The following SLCO2B1 variants were observed in gnomAD, a reference collection of about 807,000 sequenced individuals.
SLCO2B1 encodes OATP-RP2.
SLCO2B1 carries 41 observed loss-of-function variants against 67.3 expected under a neutral mutation model. The observed-to-expected ratio is 0.61, with a 90% CI of 0.47 to 0.79. The LOEUF (loss-of-function observed/expected upper bound fraction) is 0.79. Among genes scored for constraint, SLCO2B1 ranks in the 30% least tolerant of loss-of-function variants. The probability of loss-of-function intolerance (pLI) is 0.00; values close to 1 mark genes in which losing one functional copy is unlikely to be tolerated. For missense variants in SLCO2B1, 837 were observed against 920.1 expected (o/e 0.91, Z 1.17); for synonymous variants, 379 against 381.4 (o/e 0.99, Z 0.07).
rs139971199 is a variant in SLCO2B1 at position 75,163,192 on chromosome 11, C to T, written c.147+407C>T. Among the ~76,000 whole-genome samples, 20 of 152,308 alleles carry T rather than the reference C, an allele frequency of 1.3e-4. 1 individual carries two copies. The East Asian group carries it at 3.7e-3, about 28-fold the overall frequency. On this transcript the variant is annotated intron_variant, in intron 2 of 13. Transcript: ENST00000289575. ...GCCAGGCGCTGTGCCAGGTGCCACT[C>T]ACACGTGATCTTATTTAGTTCTCAC...
At chr11:75,174,038 G>A (rs995736320) in intron 7 of SLCO2B1, among the ~76,000 whole-genome samples, 2 of 152,130 alleles carry the variant, frequency 1.3e-5, no homozygotes, top group African/African-American at 4.8e-5. Flanking sequence ...CTAACCTCAG[G>A]TGATCTGCCC....
At chr11:75,178,047 T>C (rs1440056343) in intron 7 of SLCO2B1, among the ~76,000 whole-genome samples, 1 of 150,008 alleles carries the variant, frequency 6.7e-6, no homozygotes, top group African/African-American at 2.5e-5. Context: ...TGAGCCGAGA[T>C]TACATCACTG....
Position 75,193,125 on chromosome 11 carries a change from T to A in SLCO2B1, c.1076-93T>A. On this transcript the variant is annotated intron_variant, in intron 8 of 13. Transcript: ENST00000289575. The surrounding 1 kb of genome is among the most constrained non-coding windows in gnomAD (Gnocchi z 4.2). ...GTGGAATGGGGCGGGTTAGAAGAAA[T>A]GGAACTGCTTGAACTGAGCAGGGCA... The A allele has an allele frequency of 1.1e-6, 1 of 886,728 alleles. No individual in the cohort carries two copies. The highest frequency in any genetic ancestry group is 2.5e-5 in the East Asian group (1 of 40,814). 54.9% of individuals were successfully genotyped at this position (886,728 alleles called of 1,614,324 possible).
intron 8 of SLCO2B1, among the ~76,000 whole-genome samples, chr11:75,189,938 G>A (rs569150206): frequency 6.6e-6 from 1 of 150,758 alleles, no homozygotes; most frequent in Non-Finnish European, 1.5e-5. Flanking sequence ...CTCCAGCCTG[G>A]GTGACTGAGA....
In SLCO2B1 at chr11:75,204,599, C is replaced by G. The variant is rs1384722969; in HGVS notation, c.*19C>G. On this transcript the variant is annotated 3_prime_UTR_variant, in exon 14 of 14. Coordinates refer to ENST00000289575, the MANE Select transcript of SLCO2B1 (RefSeq NM_007256.5). ...AGTGTGAGCTGTCTTGGGGCCCCAC[C>G]TGGCCAAGAGTAGCAGCCACAGCAG... 6.3e-7 allele frequency: 1 copy of G among 1,590,378 alleles called. No individual in the cohort carries two copies. Among genetic ancestry groups the G allele is most frequent in the Non-Finnish European group, 8.5e-7 (1 of 1,169,642 alleles).
rs551269393 is a variant in SLCO2B1, at chr11:75,183,193, T to C, written c.973-4943T>C. ...TATTTAAACCACTATATCTAAAATA[T>C]TCTTATTTTAACATATAATAGTAAA... On this transcript the variant is annotated intron_variant, in intron 7 of 13. Coordinates refer to ENST00000289575, the MANE Select transcript of SLCO2B1 (RefSeq NM_007256.5). Among the ~76,000 whole-genome samples the C allele has an allele frequency of 2.9e-3, 435 of 152,370 alleles. 1 individual carries two copies. The highest frequency in any genetic ancestry group is 0.01 in the African/African-American group (424 of 41,596).
In SLCO2B1 at chr11:75,162,882, C is replaced by T. The variant is rs75284245; in HGVS notation, c.147+97C>T. The T allele has an allele frequency of 3.5e-4, 490 of 1,389,216 alleles. 1 individual carries two copies. In the African/African-American group the frequency reaches 6.3e-3, roughly 18 times the overall value. The allele number at this position is 1,389,216 out of a possible 1,614,324, so 86.1% of individuals were successfully genotyped here. A position where few individuals can be genotyped will look rare whatever the true frequency, so the allele number is the denominator to read the frequency against. Reference sequence around the variant, plus strand: ...GCCAAGGAAGACTTTCTCTGAGCCTCGGTTTCCTCATCTATAGAATGTGTG... The same window carrying T: ...GCCAAGGAAGACTTTCTCTGAGCCTTGGTTTCCTCATCTATAGAATGTGTG... On this transcript the variant is annotated intron_variant, in intron 2 of 13. Transcript: ENST00000289575.
chr11:75,171,906 A>G (rs924199465), intron 6 of SLCO2B1, among the ~76,000 whole-genome samples: 2 of 152,204 alleles, frequency 1.3e-5, no homozygotes, highest in African/African-American at 4.8e-5. Flanking sequence ...AATAATAATC[A>G]CAATAGTAAT....
At chr11:75,153,042 C>T (rs1387424546) in intron 1 of SLCO2B1, among the ~76,000 whole-genome samples, 1 of 152,208 alleles carries the variant, frequency 6.6e-6, no homozygotes, top group Non-Finnish European at 1.5e-5. Context: ...AGTTTCCCTG[C>T]AAGTGCTGGG....
At chr11:75,197,395 G>A (rs1945115731) in intron 10 of SLCO2B1, among the ~76,000 whole-genome samples, 1 of 152,270 alleles carries the variant, frequency 6.6e-6, no homozygotes, top group African/African-American at 2.4e-5. Flanking sequence ...ATTTACTTGG[G>A]AGGGAAGGGC....
rs182653877 is a variant in SLCO2B1 at position 75,175,478 on chromosome 11, G to A, written c.972+2909G>A. 3.6e-3 allele frequency among the ~76,000 whole-genome samples: 555 copies of A among 152,224 alleles called. 4 individuals carry two copies. Among genetic ancestry groups the A allele is most frequent in the Middle Eastern group, 0.014 (4 of 294 alleles). ...AGCTAACTCTGAAATCTCACCAGGC[G>A]TCCCCTCCCAGGCTCAGGGCTCAGG... On this transcript the variant is annotated intron_variant, in intron 7 of 13. Coordinates refer to ENST00000289575, the MANE Select transcript of SLCO2B1 (RefSeq NM_007256.5).
chr11:75,163,652 TG>T lies in SLCO2B1; in HGVS notation c.148-310del, dbSNP rs558560113. ...TTCAATAGCCCCCAGGCTCCTGGAG[TG>T]TACCCAGGATAGCTTTTCTAGTTTT... On this transcript the variant is annotated intron_variant, in intron 2 of 13. Coordinates refer to ENST00000289575, the MANE Select transcript of SLCO2B1 (RefSeq NM_007256.5). Among the ~76,000 whole-genome samples, 9 of 152,094 alleles carry T rather than the reference TG, an allele frequency of 5.9e-5. No individual in the cohort carries two copies. The East Asian group carries it at 1.7e-3, about 29-fold the overall frequency.
intron 8 of SLCO2B1, among the ~76,000 whole-genome samples, chr11:75,192,441 T>A (rs558170279): frequency 6.6e-6 from 1 of 152,076 alleles, no homozygotes; most frequent in East Asian, 1.9e-4. Context: ...AAATGCAAGC[T>A]AAGGATAGGG....
intron 1 of SLCO2B1, among the ~76,000 whole-genome samples, chr11:75,158,735 G>T (rs935860607): frequency 6.6e-6 from 1 of 152,142 alleles, no homozygotes; most frequent in African/African-American, 2.4e-5. Flanking sequence ...GCTCAGGGAT[G>T]TGCCCAGGCT....
In SLCO2B1 at chr11:75,206,256, G is replaced by A. The variant is rs1945275366; in HGVS notation, c.*1676G>A. The A allele has an allele frequency of 6.6e-6, 1 of 152,154 alleles. No individual in the cohort carries two copies. Among genetic ancestry groups the A allele is most frequent in the African/African-American group, 2.4e-5 (1 of 41,430 alleles). The allele number at this position is 152,154 out of a possible 1,614,324, so 9.4% of individuals were successfully genotyped here. On this transcript the variant is annotated 3_prime_UTR_variant, in exon 14 of 14. Coordinates refer to ENST00000289575, the MANE Select transcript of SLCO2B1 (RefSeq NM_007256.5). ...ATTATTAAATTTGTTCTTGCATAAT[G>A]TCTCTTCTATTACAAAAATTCTTTC...
Position 75,174,141 on chromosome 11 carries a change from A to AT in SLCO2B1, c.972+1579dup, listed in dbSNP as rs113498969. ...CAAGCCAGTAATGTCAAGTTCATTA[A>AT]TTTTTTTAATACTTATACACATTTC... On this transcript the variant is annotated intron_variant, in intron 7 of 13. Transcript: ENST00000289575. Among the ~76,000 whole-genome samples, 512 of 152,278 alleles carry AT rather than the reference A, an allele frequency of 3.4e-3. 3 individuals are homozygous for AT. The highest frequency in any genetic ancestry group is 0.012 in the African/African-American group (495 of 41,552).
At chr11:75,191,238 G>A (rs373233993) in intron 8 of SLCO2B1, among the ~76,000 whole-genome samples, 2 of 152,016 alleles carry the variant, frequency 1.3e-5, no homozygotes, top group Non-Finnish European at 2.9e-5. Context: ...GAACTTGGGC[G>A]AGCCCCTGTC....
chr11:75,165,447 A>T (rs1390033026), intron 3 of SLCO2B1, among the ~76,000 whole-genome samples: 2 of 152,006 alleles, frequency 1.3e-5, no homozygotes, highest in African/African-American at 2.4e-5. Flanking sequence ...AAAAAAAAAA[A>T]ATTCAAGCCT....
intron 7 of SLCO2B1, 97 bp downstream of exon 7, chr11:75,172,666 A>C: frequency 6.1e-6 from 7 of 1,139,748 alleles, no homozygotes; most frequent in South Asian, 3.0e-5. Context: ...GTGGTGGCTC[A>C]CATCTGTAGT....
Sources: gnomAD v4.1 joint callset for allele counts (sites outside exome capture counted in the v4.1 genomes callset) on GRCh38, gnomAD v4.1.1 for gene constraint, Gnocchi (gnomAD v3.1) non-coding constraint, MANE v1.5 for transcripts, NCBI Gene and HGNC (gene_info 2026-07-23, HGNC 2026-07-21) for gene names.